The following ADAMTS6 variants were observed in gnomAD, a reference collection of about 807,000 sequenced individuals.
The protein encoded by ADAMTS6 is ADAM metallopeptidase with thrombospondin type 1 motif 6.
ADAMTS6 carries 23 observed loss-of-function variants against 144.3 expected under a neutral mutation model. That is an observed-to-expected ratio of 0.16 (90% CI 0.11 to 0.23). The LOEUF (loss-of-function observed/expected upper bound fraction) is 0.23. Among genes scored for constraint, ADAMTS6 ranks in the 10% least tolerant of loss-of-function variants. The probability of loss-of-function intolerance (pLI) is 1.00; values close to 1 mark genes in which losing one functional copy is unlikely to be tolerated. For missense variants in ADAMTS6, 999 were observed against 1,379.6 expected, an observed-to-expected ratio of 0.72 and a Z score of 4.37; for synonymous variants, 444 against 457.5, an observed-to-expected ratio of 0.97 and a Z score of 0.38.
intron 19 of ADAMTS6, 93 bp downstream of exon 19, chr5:65,215,231 C>T: frequency 6.5e-6 from 9 of 1,374,720 alleles, no homozygotes; most frequent in Non-Finnish European, 9.0e-6. Flanking sequence ...TTAATTTCAT[C>T]ACCTGTAAAG....
intron 7 of ADAMTS6, among the ~76,000 whole-genome samples, chr5:65,373,565 T>C (rs900895428): frequency 4.0e-5 from 6 of 151,732 alleles, no homozygotes; most frequent in African/African-American, 1.5e-4. Context: ...CAGGAAGAAG[T>C]TGAATCTCTG....
At chr5:65,321,003 A>G (rs1745558986) in intron 9 of ADAMTS6, among the ~76,000 whole-genome samples, 1 of 152,204 alleles carries the variant, frequency 6.6e-6, no homozygotes, top group African/African-American at 2.4e-5. Flanking sequence ...TAGGGCTGCA[A>G]TGAACATACA....
intron 7 of ADAMTS6, among the ~76,000 whole-genome samples, chr5:65,419,091 C>T (rs745867634): frequency 3.9e-5 from 6 of 152,078 alleles, no homozygotes; most frequent in East Asian, 1.9e-4. Context: ...AAAAGACACA[C>T]GTAATCTCCT....
chr5:65,265,367 T>C (rs1761531172), intron 12 of ADAMTS6, among the ~76,000 whole-genome samples: 1 of 152,066 alleles, frequency 6.6e-6, no homozygotes, highest in African/African-American at 2.4e-5. Flanking sequence ...ACTTACGACT[T>C]AGCTAGTTGG....
chr5:65,248,334 G>C (rs1170950011), intron 14 of ADAMTS6, among the ~76,000 whole-genome samples: 1 of 151,978 alleles, frequency 6.6e-6, no homozygotes, highest in East Asian at 1.9e-4. Context: ...AAGAAAACAA[G>C]GGCAGATAAC....
At chr5:65,409,420 C>G (rs1754861740) in intron 7 of ADAMTS6, among the ~76,000 whole-genome samples, 1 of 152,172 alleles carries the variant, frequency 6.6e-6, no homozygotes, top group South Asian at 2.1e-4. Context: ...AATTCCTGGA[C>G]ACATACACCC....
At chr5:65,442,246 T>C (rs1757920769) in intron 7 of ADAMTS6, among the ~76,000 whole-genome samples, 1 of 152,108 alleles carries the variant, frequency 6.6e-6, no homozygotes, top group South Asian at 2.1e-4. Context: ...ATTCTACAGA[T>C]ATTAAAAGGA....
intron 7 of ADAMTS6, among the ~76,000 whole-genome samples, chr5:65,373,345 A>G (rs1443007103): frequency 2.7e-5 from 4 of 150,924 alleles, no homozygotes; most frequent in African/African-American, 4.9e-5. Flanking sequence ...GATCAACAAA[A>G]TTGATAAACA....
chr5:65,421,620 G>A (rs1416148778), intron 7 of ADAMTS6, among the ~76,000 whole-genome samples: 1 of 152,148 alleles, frequency 6.6e-6, no homozygotes, highest in Non-Finnish European at 1.5e-5. Context: ...AAAACAGCAT[G>A]GTATTGGTAT....
chr5:65,166,897 A>T (rs1313122119), intron 24 of ADAMTS6, among the ~76,000 whole-genome samples: 4 of 137,636 alleles, frequency 2.9e-5, no homozygotes, highest in Non-Finnish European at 1.6e-5. Flanking sequence ...GTAGAGGGAA[A>T]TTTATAGCAC....
chr5:65,282,822 C>G (rs1212677910), intron 11 of ADAMTS6, among the ~76,000 whole-genome samples: 1 of 152,002 alleles, frequency 6.6e-6, no homozygotes, highest in Non-Finnish European at 1.5e-5. Flanking sequence ...GTGGCCTCAA[C>G]TAGATTTTCA....
At position 65,214,459 on chromosome 5, in the gene ADAMTS6, TC is replaced by T; in HGVS notation, c.2575+334del. The stretch of plus-strand genomic sequence containing the variant: ...TGCATCTGTGATGTCTGATTCTTGC[TC>T]ATTTTCTTTTTTAAAACTTTTGATG... On this transcript the variant is annotated intron_variant, in intron 20 of 24. Transcript: ENST00000381055. The surrounding 1 kb of genome is among the most constrained non-coding windows in gnomAD (Gnocchi z 4.6). 2.7e-6 allele frequency: 1 copy of T among 374,650 alleles called. No individual in the cohort carries two copies. Among genetic ancestry groups the T allele is most frequent in the Non-Finnish European group, 5.1e-6 (1 of 195,982 alleles). 23.2% of individuals were successfully genotyped at this position (374,650 alleles called of 1,614,324 possible). A position where few individuals can be genotyped will look rare whatever the true frequency, so the allele number is the denominator to read the frequency against.
intron 7 of ADAMTS6, among the ~76,000 whole-genome samples, chr5:65,342,158 T>G (rs377129146): frequency 3.3e-5 from 5 of 152,202 alleles, no homozygotes; most frequent in South Asian, 2.1e-4. Context: ...TGATAAAAAC[T>G]CTTAATAAAT....
rs145639535 is a variant in ADAMTS6, at chr5:65,234,452, CT to C, written c.1933+7651del. Among the ~76,000 whole-genome samples, 843 of 146,714 alleles carry C rather than the reference CT, an allele frequency of 5.7e-3. 9 individuals carry two copies. Among genetic ancestry groups the C allele is most frequent in the African/African-American group, 0.02 (785 of 40,080 alleles). On this transcript the variant is annotated intron_variant, in intron 15 of 24. Coordinates refer to ENST00000381055, the MANE Select transcript of ADAMTS6 (RefSeq NM_197941.4). The stretch of plus-strand genomic sequence containing the variant: ...AAAATAGGCAAATAATGTGAATAGA[CT>C]TTTTTTTTTCCCAAAGAAGAGATAC...
chr5:65,328,581 T>G (rs1432687120), intron 9 of ADAMTS6, among the ~76,000 whole-genome samples: 2 of 152,128 alleles, frequency 1.3e-5, no homozygotes, highest in South Asian at 4.1e-4. Context: ...TTTGTTTAGT[T>G]TTTACCTTTA....
intron 17 of ADAMTS6, 149 bp downstream of exon 17, chr5:65,224,775 T>C: frequency 1.2e-6 from 1 of 856,102 alleles, no homozygotes; most frequent in Non-Finnish European, 1.7e-6. Flanking sequence ...GAAGCCACAT[T>C]TAACACTAAA....
At chr5:65,362,234 A>T (rs1304402789) in intron 7 of ADAMTS6, among the ~76,000 whole-genome samples, 1 of 152,210 alleles carries the variant, frequency 6.6e-6, no homozygotes, top group African/African-American at 2.4e-5. Flanking sequence ...CTGTCAGGCG[A>T]TGTGAATTCT....
intron 11 of ADAMTS6, among the ~76,000 whole-genome samples, chr5:65,283,404 T>C (rs954784698): frequency 1.3e-5 from 2 of 151,924 alleles, no homozygotes; most frequent in Non-Finnish European, 2.9e-5. Flanking sequence ...ACAAATCCCA[T>C]TTATATAACT....
intron 21 of ADAMTS6, among the ~76,000 whole-genome samples, chr5:65,192,609 G>A (rs1477567601): frequency 6.6e-6 from 1 of 150,830 alleles, no homozygotes; most frequent in African/African-American, 2.4e-5. Context: ...TATGGTTGGG[G>A]ATTAGCTTCT....
Sources: gnomAD v4.1 joint callset for allele counts (sites outside exome capture counted in the v4.1 genomes callset) on GRCh38, gnomAD v4.1.1 for gene constraint, Gnocchi (gnomAD v3.1) non-coding constraint, MANE v1.5 for transcripts, NCBI Gene and HGNC (gene_info 2026-07-23, HGNC 2026-07-21) for gene names.